Variants in HS6ST1 observed in about 807,000 individuals in gnomAD.
HS6ST1 encodes heparan sulfate 6-O-sulfotransferase 1.
A neutral mutation model predicts 25.2 loss-of-function variants in HS6ST1; 3 were observed. The ratio of observed to expected loss-of-function variants is 0.12; its 90% CI spans 0.05 to 0.31. The LOEUF is 0.31. HS6ST1 is among the 10% of genes least tolerant of loss of function. The pLI, the probability that HS6ST1 is intolerant of heterozygous loss-of-function variation, is 1.00. For missense variants in HS6ST1, 310 were observed against 609.6 expected (o/e 0.51, Z 5.18); for synonymous variants, 204 against 275.1 (o/e 0.74, Z 2.56).
intron 1 of HS6ST1, among the ~76,000 whole-genome samples, chr2:128,298,081 C>T (rs756319490): frequency 6.6e-6 from 1 of 152,006 alleles, no homozygotes; most frequent in Admixed American, 6.6e-5. Context: ...AGATGAACAT[C>T]GTTAGCCATT....
intron 1 of HS6ST1, among the ~76,000 whole-genome samples, chr2:128,286,358 G>A (rs576589678): frequency 3.9e-4 from 59 of 152,322 alleles, no homozygotes; most frequent in Non-Finnish European, 6.5e-4. Flanking sequence ...AAAGACCCAG[G>A]CAAGCAAGCG....
chr2:128,308,820 G>C (rs773287306), intron 1 of HS6ST1, among the ~76,000 whole-genome samples: 12 of 152,206 alleles, frequency 7.9e-5, no homozygotes, highest in Non-Finnish European at 1.6e-4. Flanking sequence ...CTGCTTTGAG[G>C]GAAGCTCCCT....
intron 1 of HS6ST1, among the ~76,000 whole-genome samples, chr2:128,285,955 T>C (rs1693854608): frequency 6.6e-6 from 1 of 152,102 alleles, no homozygotes; most frequent in South Asian, 2.1e-4. Flanking sequence ...GTCAGATGGA[T>C]GAACAGGTGG....
chr2:128,306,460 C>T (rs114519865), intron 1 of HS6ST1, among the ~76,000 whole-genome samples: 3,301 of 152,310 alleles, frequency 0.022, 127 homozygotes, highest in African/African-American at 0.075. Context: ...TTACAGATCC[C>T]GATCTCCCAC....
Position 128,306,204 on chromosome 2 carries a change from C to T in HS6ST1, c.527+11833G>A, listed in dbSNP as rs145911045. Among the ~76,000 whole-genome samples the T allele has an allele frequency of 1.2e-4, 18 of 152,328 alleles. No homozygotes were observed. The South Asian group carries it at 2.5e-3, about 21-fold the overall frequency. On this transcript the variant is annotated intron_variant, in intron 1 of 1. Coordinates refer to ENST00000259241, the MANE Select transcript of HS6ST1 (RefSeq NM_004807.3). ...ACAGGAATGCCCTCCTTTGTGCCTC[C>T]GCTCCTCAGCAGGGCTAGCACGCTG...
chr2:128,318,863 C>T lies in HS6ST1; in HGVS notation c.-300G>A, dbSNP rs551432890. Among the ~76,000 whole-genome samples the T allele has an allele frequency of 2.4e-4, 36 of 148,158 alleles. 1 individual carries two copies. Among genetic ancestry groups the T allele is most frequent in the African/African-American group, 8.8e-4 (36 of 41,104 alleles). On this transcript the variant is annotated 5_prime_UTR_variant, in exon 1 of 2. Transcript: ENST00000259241. This position sits in a 1 kb window ranked among gnomAD's most constrained non-coding sequence, Gnocchi z 5.7. ...GCTCCGCTCCACTCCGCGCCGAGAA[C>T]GCTCTGCGCCGCCCCGCGCGCCGCC...
intron 1 of HS6ST1, among the ~76,000 whole-genome samples, chr2:128,270,728 C>T (rs13428208): frequency 0.12 from 17,639 of 152,230 alleles, 1,262 homozygotes; most frequent in Non-Finnish European, 0.15. Flanking sequence ...CCTGTGGGGC[C>T]GTGACCAAAT....
intron 1 of HS6ST1, among the ~76,000 whole-genome samples, chr2:128,269,897 G>A (rs1460800047): frequency 6.6e-6 from 1 of 152,198 alleles, no homozygotes; most frequent in Non-Finnish European, 1.5e-5. Context: ...GCCCTGGGCA[G>A]GGGTGGGGGT....
intron 1 of HS6ST1, among the ~76,000 whole-genome samples, chr2:128,304,509 C>T (rs1694178869): frequency 6.9e-6 from 1 of 144,762 alleles, no homozygotes; most frequent in African/African-American, 2.6e-5. Context: ...ACTGTAAGGC[C>T]CTGGCATCCC....
chr2:128,309,408 C>T (rs1253430877), intron 1 of HS6ST1, among the ~76,000 whole-genome samples: 4 of 152,348 alleles, frequency 2.6e-5, no homozygotes, highest in Middle Eastern at 3.4e-3. Flanking sequence ...TTCTGAGCAG[C>T]GGCCTGGGCT....
Position 128,268,829 on chromosome 2 carries a change from C to T in HS6ST1, c.569G>A (p.Arg190His), listed in dbSNP as rs867707492. The change falls in exon 2 of 2, where the codon CGC becomes CAC. Residue 190 changes from arginine to histidine, a missense_variant. Coordinates refer to ENST00000259241, the MANE Select transcript of HS6ST1 (RefSeq NM_004807.3). ...YITLLRDPVS[R>H]YLSEWRHVQR... The stretch of plus-strand genomic sequence containing the variant: ...CACATGCCGCCACTCGCTCAGGTAG[C>T]GGGACACGGGGTCTCGTAGCAGGGT... The T allele has an allele frequency of 3.7e-6, 6 of 1,612,318 alleles. No homozygotes were observed. Among genetic ancestry groups the T allele is most frequent in the African/African-American group, 1.3e-5 (1 of 75,052 alleles).
At chr2:128,304,945 G>A (rs542256280) in intron 1 of HS6ST1, among the ~76,000 whole-genome samples, 100 of 152,326 alleles carry the variant, frequency 6.6e-4, no homozygotes, top group Non-Finnish European at 5.0e-4. Flanking sequence ...GGCAACCCAT[G>A]GAACATGGTC....
chr2:128,298,542 T>C (rs1283116886), intron 1 of HS6ST1, among the ~76,000 whole-genome samples: 1 of 152,148 alleles, frequency 6.6e-6, no homozygotes, highest in Non-Finnish European at 1.5e-5. Flanking sequence ...CTTAAAGACA[T>C]TATGCTAAGC....
intron 1 of HS6ST1, among the ~76,000 whole-genome samples, chr2:128,277,533 G>C (rs1454279532): frequency 6.6e-6 from 1 of 152,212 alleles, no homozygotes; most frequent in Non-Finnish European, 1.5e-5. Context: ...TGTAGTGGGG[G>C]TCACCTGTGT....
chr2:128,310,445 G>T (rs560244529), intron 1 of HS6ST1, among the ~76,000 whole-genome samples: 1 of 152,238 alleles, frequency 6.6e-6, no homozygotes, highest in African/African-American at 2.4e-5. Context: ...CACCGCGGCA[G>T]CAGAAGGCCA....
At chr2:128,280,509 G>A (rs759419608) in intron 1 of HS6ST1, among the ~76,000 whole-genome samples, 2 of 152,230 alleles carry the variant, frequency 1.3e-5, no homozygotes, top group Non-Finnish European at 2.9e-5. Context: ...ACCTGACCCA[G>A]TGCCGCAGCA....
rs748423837 is a variant in HS6ST1 at position 128,318,354 on chromosome 2, G to A, written c.210C>T (p.Phe70=). The part of the protein sequence containing the change: ...PDPHYEKKYY[F]PVRELERSLR... ...GCGAGCGCTCCAGCTCGCGGACCGG[G>A]AAGTAGTACTTCTTCTCGTAGTGGG... is the stretch of plus-strand genomic sequence containing the variant. The change falls in exon 1 of 2, where the codon TTC becomes TTT. Residue 70 remains phenylalanine, a synonymous_variant. Coordinates refer to ENST00000259241, the MANE Select transcript of HS6ST1 (RefSeq NM_004807.3). This position sits in a 1 kb window ranked among gnomAD's most constrained non-coding sequence, Gnocchi z 5.7. The A allele has an allele frequency of 1.2e-5, 19 of 1,612,336 alleles. No individual in the cohort carries two copies. Among genetic ancestry groups the A allele is most frequent in the Middle Eastern group, 3.4e-4 (2 of 5,908 alleles).
intron 1 of HS6ST1, among the ~76,000 whole-genome samples, chr2:128,284,919 C>T (rs1244248760): frequency 6.6e-6 from 1 of 152,178 alleles, no homozygotes; most frequent in African/African-American, 2.4e-5. Flanking sequence ...GGCCTAAATG[C>T]TGAGCTCAGT....
Position 128,310,690 on chromosome 2 carries a change from C to T in HS6ST1, c.527+7347G>A, listed in dbSNP as rs568077098. Among the ~76,000 whole-genome samples the T allele has an allele frequency of 2.0e-5, 3 of 152,320 alleles. No individual in the cohort carries two copies. In the East Asian group the frequency reaches 5.8e-4, roughly 29 times the overall value. On this transcript the variant is annotated intron_variant, in intron 1 of 1. Coordinates refer to ENST00000259241, the MANE Select transcript of HS6ST1 (RefSeq NM_004807.3). ...CCTAAATGTCCTCTAACAGCCTCCA[C>T]CCTGGGTTGGGTGGTCTGGGATCAG...
Sources: gnomAD v4.1 joint callset for allele counts (sites outside exome capture counted in the v4.1 genomes callset) on GRCh38, gnomAD v4.1.1 for gene constraint, Gnocchi (gnomAD v3.1) non-coding constraint, MANE v1.5 for transcripts, NCBI Gene and HGNC (gene_info 2026-07-23, HGNC 2026-07-21) for gene names.